The following SMC5 variants were observed in gnomAD, a reference collection of about 807,000 sequenced individuals.
The protein encoded by SMC5 is structural maintenance of chromosomes 5.
SMC5 carries 88 observed loss-of-function variants against 148.3 expected under a neutral mutation model. The ratio of observed to expected loss-of-function variants is 0.59; its 90% CI spans 0.50 to 0.71. The LOEUF (loss-of-function observed/expected upper bound fraction) is 0.71. Ranked by LOEUF, SMC5 falls within the 30% of genes least tolerant of loss-of-function variation. SMC5 has a pLI of 0.00. For missense variants in SMC5, 1,142 were observed against 1,298.9 expected (o/e 0.88, Z 1.86); for synonymous variants, 421 against 432.8 (o/e 0.97, Z 0.34).
chr9:70,341,225 A>G (rs2036513940), intron 17 of SMC5, among the ~76,000 whole-genome samples: 1 of 152,240 alleles, frequency 6.6e-6, no homozygotes, highest in Non-Finnish European at 1.5e-5. Flanking sequence ...ATTTTCTCAG[A>G]TAAATATTTT....
chr9:70,310,781 G>A (rs2035637357), intron 11 of SMC5: 1 of 152,222 alleles, frequency 6.6e-6, no homozygotes, highest in African/African-American at 2.4e-5. Flanking sequence ...ATCTTAGCTA[G>A]ATCTTCTGGA....
At chr9:70,291,727 C>T (rs2035065108) in intron 8 of SMC5, among the ~76,000 whole-genome samples, 1 of 152,108 alleles carries the variant, frequency 6.6e-6, no homozygotes, top group African/African-American at 2.4e-5. Context: ...AGCTGTGAGT[C>T]AGGTCAAATA....
intron 8 of SMC5, among the ~76,000 whole-genome samples, chr9:70,291,510 T>G (rs1489712989): frequency 6.6e-6 from 1 of 152,210 alleles, no homozygotes; most frequent in Non-Finnish European, 1.5e-5. Context: ...GTCCTGCTAA[T>G]GCACATGACC....
intron 15 of SMC5, among the ~76,000 whole-genome samples, chr9:70,319,635 G>A (rs1461518980): frequency 3.9e-5 from 6 of 152,198 alleles, no homozygotes; most frequent in Non-Finnish European, 5.9e-5. Flanking sequence ...TTGCCAAAGT[G>A]TAGTTTATTA....
chr9:70,298,345 A>T (rs1013059503), intron 9 of SMC5, 124 bp downstream of exon 9: 2 of 1,062,648 alleles, frequency 1.9e-6, no homozygotes, highest in Non-Finnish European at 2.6e-6. Context: ...AGGAAGCTCA[A>T]CTCAGTTCTT....
rs992470326 is a variant in SMC5 at position 70,299,961 on chromosome 9, G to A, written c.1310-85G>A. The A allele has an allele frequency of 5.6e-6, 7 of 1,241,892 alleles. No individual in the cohort carries two copies. In the African/African-American group the frequency reaches 1.1e-4, roughly 19 times the overall value. The allele number at this position is 1,241,892 out of a possible 1,614,324, so 76.9% of individuals were successfully genotyped here. On this transcript the variant is annotated intron_variant, in intron 9 of 24. Transcript: ENST00000361138. Reference sequence around the variant, plus strand: ...GTGGTGTTTGTAACCTTTAGAACTAGGGTATTCTTTTGTGTTATTATTAGA... The same window carrying A: ...GTGGTGTTTGTAACCTTTAGAACTAAGGTATTCTTTTGTGTTATTATTAGA...
chr9:70,309,737 C>T (rs1048909320), intron 11 of SMC5, among the ~76,000 whole-genome samples: 1 of 152,168 alleles, frequency 6.6e-6, no homozygotes, highest in African/African-American at 2.4e-5. Context: ...CCACAGAAGT[C>T]GAACCTCTCA....
At position 70,287,755 on chromosome 9, in the gene SMC5, G is replaced by A. The variant is rs145491451; in HGVS notation, c.1053+1484G>A. On this transcript the variant is annotated intron_variant, in intron 8 of 24. Transcript: ENST00000361138. ...TATGTTGGGAGAAGGGGATTGGGAT[G>A]AGAAGGAGGATATGAATAATTGCAT... is the stretch of plus-strand genomic sequence containing the variant. Among the ~76,000 whole-genome samples, 597 of 152,294 alleles carry A rather than the reference G, an allele frequency of 3.9e-3. 3 individuals carry two copies. The highest frequency in any genetic ancestry group is 0.013 in the African/African-American group (553 of 41,560).
At chr9:70,342,766 G>A (rs2036560728) in intron 17 of SMC5, among the ~76,000 whole-genome samples, 1 of 152,146 alleles carries the variant, frequency 6.6e-6, no homozygotes, top group Non-Finnish European at 1.5e-5. Flanking sequence ...AATTTTTGCA[G>A]TCTGGCCCTT....
chr9:70,314,084 T>C (rs1037747705), intron 11 of SMC5, among the ~76,000 whole-genome samples: 2 of 152,180 alleles, frequency 1.3e-5, no homozygotes, highest in African/African-American at 4.8e-5. Context: ...TGGGCGTTTA[T>C]ATGCAGATTT....
At position 70,318,543 on chromosome 9, in the gene SMC5, T is replaced by C; in HGVS notation, c.1836T>C (p.Ile612=). The change falls in exon 14 of 25, where the codon ATT becomes ATC. Residue 612 remains isoleucine, a synonymous_variant. Transcript: ENST00000361138. Reference sequence around the variant, plus strand: ...TACAAGAAACCCGATTAAAACAGATTTATACAGCAGAAGAAAAGTATGTGG... The same window carrying C: ...TACAAGAAACCCGATTAAAACAGATCTATACAGCAGAAGAAAAGTATGTGG... ...RVIQETRLKQ[I]YTAEEKYVVK... is the part of the protein sequence containing the mutation. 6.2e-7 allele frequency: 1 copy of C among 1,609,920 alleles called. No individual in the cohort carries two copies. Among genetic ancestry groups the C allele is most frequent in the Non-Finnish European group, 8.5e-7 (1 of 1,178,160 alleles).
chr9:70,264,964 A>G lies in SMC5; in HGVS notation c.327+519A>G, dbSNP rs1024018421. Among the ~76,000 whole-genome samples the G allele has an allele frequency of 5.9e-5, 9 of 152,212 alleles. No individual in the cohort carries two copies. The South Asian group carries it at 8.3e-4, about 14-fold the overall frequency. On this transcript the variant is annotated intron_variant, in intron 2 of 24. Transcript: ENST00000361138. ...GAATACTGTGGACAATTGTAACACA[A>G]TGGCCTACACTGTACTTATGTAAAC...
At chr9:70,276,069 G>A (rs2034585867) in intron 3 of SMC5, among the ~76,000 whole-genome samples, 1 of 152,126 alleles carries the variant, frequency 6.6e-6, no homozygotes, top group Non-Finnish European at 1.5e-5. Flanking sequence ...CATAGATTCC[G>A]GCAGAGGAAA....
Position 70,350,210 on chromosome 9 carries a change from A to G in SMC5, c.2986A>G (p.Arg996Gly). The G allele has an allele frequency of 1.2e-6, 2 of 1,613,672 alleles. No homozygotes were observed. Among genetic ancestry groups the G allele is most frequent in the Non-Finnish European group, 1.7e-6 (2 of 1,179,768 alleles). Residue 996 changes from arginine (R) to glycine (G), a missense_variant, in exon 23 of 25, where the codon AGA (arginine) becomes GGA (glycine). Physicochemically the swap from Arg to Gly is moderately radical, Grantham distance 125. Coordinates refer to ENST00000361138, the MANE Select transcript of SMC5 (RefSeq NM_015110.4). ...TCCTCATCATCAAAGTGGAGGTGAA[A>G]GAAGTGTTTCTACCATGTTATACTT... ...LTPHHQSGGE[R>G]SVSTMLYLMA...
At chr9:70,323,212 T>A (rs1230022553) in intron 15 of SMC5, among the ~76,000 whole-genome samples, 1 of 152,224 alleles carries the variant, frequency 6.6e-6, no homozygotes, top group Non-Finnish European at 1.5e-5. Flanking sequence ...CTATTAACTT[T>A]TAGGATTATT....
chr9:70,277,200 T>C, intron 3 of SMC5, 110 bp from the exon 4 acceptor site: 1 of 860,048 alleles, frequency 1.2e-6, no homozygotes, highest in Non-Finnish European at 1.6e-6. Context: ...GTAAAAATCA[T>C]AATAATAATT....
intron 8 of SMC5, among the ~76,000 whole-genome samples, chr9:70,287,658 T>A (rs1018683696): frequency 1.3e-5 from 2 of 152,204 alleles, no homozygotes; most frequent in African/African-American, 4.8e-5. Flanking sequence ...GCTCATTTAA[T>A]TTCTCCAAAG....
At position 70,352,603 on chromosome 9, in the gene SMC5, T is replaced by C. The variant is rs1400592034; in HGVS notation, c.*272T>C. The stretch of plus-strand genomic sequence containing the variant: ...AGTTCTCATGTTAAAATGTACTTAA[T>C]ATTACAAATCAAAGGTACAGTGGAA... On this transcript the variant is annotated 3_prime_UTR_variant, in exon 25 of 25. Transcript: ENST00000361138. 1.3e-5 allele frequency: 4 copies of C among 307,774 alleles called. No homozygotes were observed. In the East Asian group the frequency reaches 1.7e-4, roughly 13 times the overall value. 19.1% of individuals were successfully genotyped at this position (307,774 alleles called of 1,614,324 possible).
intron 5 of SMC5, among the ~76,000 whole-genome samples, chr9:70,280,193 A>G (rs1473420025): frequency 6.6e-6 from 1 of 152,212 alleles, no homozygotes; most frequent in Admixed American, 6.5e-5. Context: ...ACACTCACCT[A>G]CACTCTTGAC....
Sources: gnomAD v4.1 joint callset for allele counts (sites outside exome capture counted in the v4.1 genomes callset) on GRCh38, gnomAD v4.1.1 for gene constraint, MANE v1.5 for transcripts, NCBI Gene and HGNC (gene_info 2026-07-23, HGNC 2026-07-21) for gene names.